Variants in ANKS3 observed in about 807,000 individuals in gnomAD.
ANKS3 encodes ankyrin repeat and SAM domain-containing protein 3.
ANKS3 carries 62 observed loss-of-function variants against 80.7 expected under a neutral mutation model. That is an observed-to-expected ratio of 0.77 (90% confidence interval 0.63 to 0.95). The LOEUF (loss-of-function observed/expected upper bound fraction) is 0.95. Among genes scored for constraint, ANKS3 ranks in the 40% least tolerant of loss-of-function variants. ANKS3 has a pLI of 0.00. For missense variants in ANKS3, 1,150 were observed against 883.6 expected (o/e 1.30, Z -3.82); for synonymous variants, 489 against 355.3 (o/e 1.38, Z -4.23).
intron 7 of ANKS3, among the ~76,000 whole-genome samples, chr16:4,713,045 G>A (rs891538286): frequency 5.9e-5 from 9 of 152,092 alleles, no homozygotes; most frequent in African/African-American, 1.9e-4. Flanking sequence ...TGAGATGGGT[G>A]GATCACCTGA....
Position 4,701,271 on chromosome 16 carries a change from G to A in ANKS3, c.1120-137C>T, listed in dbSNP as rs1001143593. 7 of 1,433,172 alleles carry A rather than the reference G, an allele frequency of 4.9e-6. No homozygotes were observed. In the Admixed American group the frequency reaches 8.1e-5, roughly 17 times the overall value. 88.8% of individuals were successfully genotyped at this position (1,433,172 alleles called of 1,614,324 possible). A position where few individuals can be genotyped will look rare whatever the true frequency, so the allele number is the denominator to read the frequency against. The stretch of plus-strand genomic sequence containing the variant: ...CCACACAGGGGCTTCCGGTGCGTTC[G>A]CTGTCGTCTGAGAAGCCAGACCCTG... On this transcript the variant is annotated intron_variant, in intron 10 of 17. Coordinates refer to ENST00000304283, the MANE Select transcript of ANKS3 (RefSeq NM_133450.4).
At chr16:4,706,470 T>A (rs546277275) in intron 7 of ANKS3, among the ~76,000 whole-genome samples, 1 of 152,068 alleles carries the variant, frequency 6.6e-6, no homozygotes, top group Non-Finnish European at 1.5e-5. Context: ...CTCCTGACCT[T>A]GTGATCCGCC....
At chr16:4,729,917 G>A (rs893928668) in intron 3 of ANKS3, 63 bp downstream of exon 3, 16 of 1,367,264 alleles carry the variant, frequency 1.2e-5, no homozygotes, top group Middle Eastern at 2.0e-4. Flanking sequence ...GCCCCATCAC[G>A]TGGGATCGAA....
At chr16:4,733,202 C>CAAAAAAAA (rs56944690) in intron 1 of ANKS3, among the ~76,000 whole-genome samples, 30 of 70,386 alleles carry the variant, frequency 4.3e-4, no homozygotes, top group Admixed American at 8.2e-4. Context: ...GACTCCGTCT[C>CAAAAAAAA]AAAAAAAAAA....
intron 9 of ANKS3, 103 bp downstream of exon 9, chr16:4,701,999 A>G (rs745393552): frequency 5.2e-5 from 72 of 1,373,544 alleles, no homozygotes; most frequent in Admixed American, 1.7e-4. Flanking sequence ...CCTCTGCTGG[A>G]TGGCTGTGTC....
chr16:4,704,173 G>A (rs1057314303), intron 8 of ANKS3, among the ~76,000 whole-genome samples: 8 of 152,212 alleles, frequency 5.3e-5, no homozygotes, highest in Non-Finnish European at 1.2e-4. Context: ...AGGATGATGG[G>A]AGAAGGTGGG....
At chr16:4,718,429 C>G (rs2080917154) in intron 6 of ANKS3, among the ~76,000 whole-genome samples, 1 of 152,214 alleles carries the variant, frequency 6.6e-6, no homozygotes, top group South Asian at 2.1e-4. Flanking sequence ...ATCCTCTTCT[C>G]CTGACTGAGC....
At chr16:4,719,153 A>G (rs1260222286) in intron 6 of ANKS3, among the ~76,000 whole-genome samples, 2 of 152,020 alleles carry the variant, frequency 1.3e-5, no homozygotes, top group African/African-American at 2.4e-5. Flanking sequence ...TAAGCAACTT[A>G]GTGAGACCCC....
chr16:4,716,290 G>A (rs759409405), intron 6 of ANKS3, among the ~76,000 whole-genome samples: 3 of 150,872 alleles, frequency 2.0e-5, no homozygotes, highest in African/African-American at 7.3e-5. Context: ...GAACCCAGGA[G>A]GTGGAGGTTG....
In ANKS3 at chr16:4,701,129, C is replaced by T. The variant is rs1243937983; in HGVS notation, c.1125G>A (p.Ser375=). 4.3e-6 allele frequency: 7 copies of T among 1,613,828 alleles called. No individual in the cohort carries two copies. In the East Asian group the frequency reaches 6.7e-5, roughly 15 times the overall value. Residue 375 remains serine, a synonymous_variant, in exon 11 of 18, where the codon TCG becomes TCA. Transcript: ENST00000304283. ...GAGCTGAGCTTTTACAGGCATGATCCGAGTCCTGCAGTGAGAGGCGTGCAT... is the reference window on the plus strand; with the variant it reads ...GAGCTGAGCTTTTACAGGCATGATCTGAGTCCTGCAGTGAGAGGCGTGCAT... ...SEASVESNED[S]DHACKSSARK...
At position 4,716,640 on chromosome 16, in the gene ANKS3, G is replaced by A. The variant is rs149857080; in HGVS notation, c.574-2454C>T. Among the ~76,000 whole-genome samples, 397 of 151,948 alleles carry A rather than the reference G, an allele frequency of 2.6e-3. 3 individuals are homozygous for A. Among genetic ancestry groups the A allele is most frequent in the African/African-American group, 8.9e-3 (368 of 41,470 alleles). Reference sequence around the variant, plus strand: ...TGCCTTAAAAAATAATTTATAGGCCGGGCACAGTGGCTCACGCCTGTAATC... The same window carrying A: ...TGCCTTAAAAAATAATTTATAGGCCAGGCACAGTGGCTCACGCCTGTAATC... On this transcript the variant is annotated intron_variant, in intron 6 of 17. Coordinates refer to ENST00000304283, the MANE Select transcript of ANKS3 (RefSeq NM_133450.4).
At chr16:4,725,133 A>G (rs1024402990) in intron 5 of ANKS3, 9 of 257,388 alleles carry the variant, frequency 3.5e-5, no homozygotes, top group Non-Finnish European at 5.9e-5. Flanking sequence ...ATCATATTCA[A>G]AAAGCTGTTC....
Position 4,733,952 on chromosome 16 carries a change from C to T in ANKS3, c.-85G>A. ...CCGTAACTCACAGCAGTGACGCTTC[C>T]CGACGCCCCCCGGCCACATCCCCAC... On this transcript the variant is annotated 5_prime_UTR_variant, in exon 1 of 18. Coordinates refer to ENST00000304283, the MANE Select transcript of ANKS3 (RefSeq NM_133450.4). The T allele has an allele frequency of 1.0e-6, 1 of 985,514 alleles. No homozygotes were observed. Among genetic ancestry groups the T allele is most frequent in the Non-Finnish European group, 1.2e-6 (1 of 829,984 alleles). 61.0% of individuals were successfully genotyped at this position (985,514 alleles called of 1,614,324 possible).
chr16:4,713,087 T>G (rs1453891080), intron 7 of ANKS3, among the ~76,000 whole-genome samples: 2 of 152,000 alleles, frequency 1.3e-5, no homozygotes, highest in Non-Finnish European at 2.9e-5. Context: ...CTGACCAACA[T>G]GGAGAAACCC....
In ANKS3 at chr16:4,720,411, G is replaced by C. The variant is rs1000951031; in HGVS notation, c.573+4339C>G. Among the ~76,000 whole-genome samples the C allele has an allele frequency of 6.0e-5, 9 of 150,002 alleles. 1 individual carries two copies. Among genetic ancestry groups the C allele is most frequent in the Non-Finnish European group, 1.3e-4 (9 of 67,252 alleles). The stretch of plus-strand genomic sequence containing the variant: ...TGGGAGGCAGAGGTTGCAGTGAGCC[G>C]AGATCGCGCCACTGCACTCCAGCCT... On this transcript the variant is annotated intron_variant, in intron 6 of 17. Transcript: ENST00000304283.
chr16:4,731,486 G>C, intron 2 of ANKS3, 26 bp downstream of exon 2: 1 of 239,862 alleles, frequency 4.2e-6, no homozygotes, highest in Non-Finnish European at 6.7e-6. Flanking sequence ...TCACCATGTT[G>C]GCCAGGCTGG....
intron 6 of ANKS3, among the ~76,000 whole-genome samples, chr16:4,720,269 C>T (rs2081020546): frequency 1.3e-5 from 2 of 150,116 alleles, no homozygotes; most frequent in Admixed American, 1.3e-4. Flanking sequence ...TGAGACCATC[C>T]TGGCCAACAT....
intron 3 of ANKS3, chr16:4,729,318 G>C (rs905366080): frequency 6.6e-6 from 1 of 152,198 alleles, no homozygotes; most frequent in South Asian, 2.1e-4. Context: ...CACAGGGATC[G>C]AATGAACCCT....
chr16:4,701,594 C>A, intron 9 of ANKS3, 51 bp from the exon 10 acceptor site: 1 of 1,530,728 alleles, frequency 6.5e-7, no homozygotes. Context: ...CGAGGTGCTG[C>A]GCATGGGCGT....
Sources: allele counts gnomAD v4.1 joint callset (sites outside exome capture counted in the v4.1 genomes callset), GRCh38; gene constraint gnomAD v4.1.1; transcripts MANE v1.5; gene names NCBI Gene and HGNC (gene_info 2026-07-23, HGNC 2026-07-21).